ZIM2: variants seen among roughly 807,000 people sequenced by gnomAD.
ZIM2 encodes zinc finger imprinted 2.
Under a neutral mutation model 38.6 loss-of-function variants are expected in ZIM2, and 14 were observed. The ratio of observed to expected loss-of-function variants is 0.36; its 90% CI spans 0.24 to 0.57. The LOEUF is 0.57. Among genes scored for constraint, ZIM2 ranks in the 20% least tolerant of loss-of-function variants. The pLI is 0.81. For synonymous variants in ZIM2, 247 were observed against 245.8 expected (o/e 1.00, Z -0.04); for missense variants, 680 against 695.1 (o/e 0.98, Z 0.24).
intron 9 of ZIM2, among the ~76,000 whole-genome samples, chr19:56,803,482 A>AG (rs1356659937): frequency 1.3e-5 from 2 of 152,186 alleles, no homozygotes; most frequent in Non-Finnish European, 2.9e-5. Flanking sequence ...CAGAAAGCAG[A>AG]GCTTGTTGCT....
At chr19:56,777,329 C>G (rs1298719467) in intron 12 of ZIM2, among the ~76,000 whole-genome samples, 3 of 152,224 alleles carry the variant, frequency 2.0e-5, no homozygotes, top group Non-Finnish European at 4.4e-5. Flanking sequence ...TCCTCACTGG[C>G]TCTTCTGTTT....
At chr19:56,840,544 G>GGGCAGGAGGCGCGCGGGGC (rs1338171976) in intron 1 of ZIM2, 38 bp downstream of exon 1, 44 of 152,322 alleles carry the variant, frequency 2.9e-4, no homozygotes, top group African/African-American at 1.1e-3. Context: ...AAGGTCCCGC[G>GGGCAGGAGGCGCGCGGGGC]GGCAGGAGGC....
chr19:56,810,422 T>C, intron 9 of ZIM2: 4 of 984,844 alleles, frequency 4.1e-6, no homozygotes, highest in Non-Finnish European at 4.8e-6. Flanking sequence ...TTTCTTCCCA[T>C]CTTTGACATT....
intron 2 of ZIM2, among the ~76,000 whole-genome samples, chr19:56,834,299 C>T (rs935136943): frequency 3.3e-5 from 5 of 152,144 alleles, no homozygotes; most frequent in South Asian, 2.1e-4. Flanking sequence ...AAGGGGCTTC[C>T]GATATCTTGG....
chr19:56,815,733 T>G, intron 9 of ZIM2: 1 of 1,614,222 alleles, frequency 6.2e-7, no homozygotes, highest in East Asian at 2.2e-5. Flanking sequence ...TTTTCTGAGG[T>G]TTGGCACGGA....
At position 56,774,900 on chromosome 19, in the gene ZIM2, G is replaced by C. The variant is rs1342467862; in HGVS notation, c.1465C>G (p.His489Asp). The C allele has an allele frequency of 2.5e-6, 4 of 1,614,176 alleles. No homozygotes were observed. Among genetic ancestry groups the C allele is most frequent in the Non-Finnish European group, 3.4e-6 (4 of 1,180,028 alleles). ...CAGGCTCTCTCTCCAACGTAGTCATGTTTCCGCTGATAACGAATTAAGTAT... is the reference window on the plus strand; with the variant it reads ...CAGGCTCTCTCTCCAACGTAGTCATCTTTCCGCTGATAACGAATTAAGTAT... ...KTYLIRYQRK[H>D]DYVGERACQC... Residue 489 changes from histidine (H) to aspartate (D), a missense_variant, in exon 13 of 13, where the codon CAT (histidine) becomes GAT (aspartate). Transcript: ENST00000629319.
chr19:56,819,198 G>A (rs2060253112), intron 7 of ZIM2, among the ~76,000 whole-genome samples: 1 of 152,104 alleles, frequency 6.6e-6, no homozygotes, highest in Non-Finnish European at 1.5e-5. Context: ...ACAGAAAGAA[G>A]ACACACACAT....
chr19:56,799,956 C>T (rs1239455619), intron 9 of ZIM2, among the ~76,000 whole-genome samples: 1 of 152,194 alleles, frequency 6.6e-6, no homozygotes, highest in African/African-American at 2.4e-5. Context: ...CTGTGTCATT[C>T]CATTCATGCT....
chr19:56,825,639 G>A (rs763362159), intron 3 of ZIM2, among the ~76,000 whole-genome samples: 9 of 151,564 alleles, frequency 5.9e-5, no homozygotes, highest in Non-Finnish European at 1.2e-4. Flanking sequence ...ATTTTATTGC[G>A]TATTTTAATG....
intron 9 of ZIM2, chr19:56,815,334 G>T (rs2059876722): frequency 6.2e-7 from 1 of 1,614,192 alleles, no homozygotes; most frequent in Non-Finnish European, 8.5e-7. Flanking sequence ...AAAATTGTCT[G>T]AAGTCCTTAC....
rs150737264 is a variant in ZIM2, at chr19:56,783,510, G to A, written c.571-1389C>T. On this transcript the variant is annotated intron_variant, in intron 10 of 12. Coordinates refer to ENST00000629319, the MANE Select transcript of ZIM2 (RefSeq NM_001387356.1). ...CAAAATCGTGTCCTCTGCAGCAACCGGAATGCAACCGGAAACCTCAGATGC... is the reference window on the plus strand; with the variant it reads ...CAAAATCGTGTCCTCTGCAGCAACCAGAATGCAACCGGAAACCTCAGATGC... Among the ~76,000 whole-genome samples, 1,311 of 151,592 alleles carry A rather than the reference G, an allele frequency of 8.6e-3. 19 individuals are homozygous for A. In the Middle Eastern group the frequency reaches 0.099, roughly 11 times the overall value.
intron 8 of ZIM2, 117 bp downstream of exon 8, chr19:56,818,483 T>G (rs2060188934): frequency 9.2e-7 from 1 of 1,088,946 alleles, no homozygotes; most frequent in Admixed American, 2.7e-5. Flanking sequence ...AGATTTCTTA[T>G]TACCCTTGAA....
intron 9 of ZIM2, among the ~76,000 whole-genome samples, chr19:56,790,849 A>C (rs558102749): frequency 6.6e-6 from 1 of 152,280 alleles, no homozygotes; most frequent in African/African-American, 2.4e-5. Context: ...ATTAAACATT[A>C]CATATGTAAG....
At chr19:56,793,672 ACC>A (rs2047054436) in intron 9 of ZIM2, among the ~76,000 whole-genome samples, 1 of 152,198 alleles carries the variant, frequency 6.6e-6, no homozygotes, top group South Asian at 2.1e-4. Flanking sequence ...AACACTATGC[ACC>A]CTCCAAAATG....
At position 56,809,251 on chromosome 19, in the gene ZIM2, A is replaced by C. The variant is rs143103584; in HGVS notation, c.490+8495T>G. Among the ~76,000 whole-genome samples the C allele has an allele frequency of 2.4e-3, 372 of 152,352 alleles. 3 individuals are homozygous for C. In the Middle Eastern group the frequency reaches 0.034, roughly 14 times the overall value. On this transcript the variant is annotated intron_variant, in intron 9 of 12. Transcript: ENST00000629319. ...TGTGACCAAATAGTCAGATGCCACA[A>C]GATATAAAGTTCTAAGAACATGAAA... is the stretch of plus-strand genomic sequence containing the variant.
intron 9 of ZIM2, chr19:56,815,597 T>A: frequency 6.2e-7 from 1 of 1,614,088 alleles, no homozygotes; most frequent in East Asian, 2.2e-5. Flanking sequence ...ATTACAGAGG[T>A]CTCATTGCTC....
chr19:56,781,351 T>C (rs1052776258), intron 11 of ZIM2, among the ~76,000 whole-genome samples: 2 of 152,222 alleles, frequency 1.3e-5, no homozygotes, highest in African/African-American at 4.8e-5. Flanking sequence ...CTTTCAACTT[T>C]ACCTGTGAGA....
chr19:56,813,347 C>T (rs1370419586), intron 9 of ZIM2: 7 of 1,087,382 alleles, frequency 6.4e-6, no homozygotes, highest in Non-Finnish European at 7.9e-6. Context: ...ACTATATATA[C>T]GTTACACAAG....
Position 56,775,248 on chromosome 19 carries a change from C to G in ZIM2, c.1117G>C (p.Ala373Pro). The G allele has an allele frequency of 1.2e-6, 2 of 1,614,146 alleles. No homozygotes were observed. The change falls in exon 13 of 13, where the codon GCC (alanine) becomes CCC (proline). Residue 373 changes from alanine to proline, a missense_variant. Transcript: ENST00000629319. ...FCKRTFSTQV[A>P]LRRHERIHTG... ...TGGATCCGTTCGTGTCTCCTAAGGGCTACTTGCGTACTAAAGGTTCGTTTG... is the reference window on the plus strand; with the variant it reads ...TGGATCCGTTCGTGTCTCCTAAGGGGTACTTGCGTACTAAAGGTTCGTTTG...
Sources: gnomAD v4.1 joint callset for allele counts (sites outside exome capture counted in the v4.1 genomes callset) on GRCh38, gnomAD v4.1.1 for gene constraint, MANE v1.5 for transcripts, NCBI Gene and HGNC (gene_info 2026-07-23, HGNC 2026-07-21) for gene names.